CACNA2D3: variants seen among roughly 807,000 people sequenced by gnomAD.
The protein encoded by CACNA2D3 is calcium voltage-gated channel auxiliary subunit alpha2delta 3.
A neutral mutation model predicts 160.6 loss-of-function variants in CACNA2D3; 60 were observed. The observed-to-expected ratio is 0.37, with a 90% CI of 0.30 to 0.46. CACNA2D3 has a LOEUF of 0.46. Ranked by LOEUF, CACNA2D3 falls within the 20% of genes least tolerant of loss-of-function variation. CACNA2D3 has a pLI of 1.00. For missense variants in CACNA2D3, 1,205 were observed against 1,365.0 expected, an observed-to-expected ratio of 0.88 and a Z score of 1.85; for synonymous variants, 558 against 492.9, an observed-to-expected ratio of 1.13 and a Z score of -1.75.
intron 13 of CACNA2D3, among the ~76,000 whole-genome samples, chr3:54,806,905 C>G (rs955926830): frequency 2.0e-5 from 3 of 152,160 alleles, no homozygotes; most frequent in African/African-American, 7.2e-5. Flanking sequence ...TGCTGCATAT[C>G]TACAACTGTC....
At chr3:54,694,277 AG>A (rs970840673) in intron 11 of CACNA2D3, among the ~76,000 whole-genome samples, 1 of 152,226 alleles carries the variant, frequency 6.6e-6, no homozygotes, top group Admixed American at 6.5e-5. Flanking sequence ...TTTGCAGCCT[AG>A]GAACACTGGG....
At chr3:54,645,449 C>T (rs1255664976) in intron 11 of CACNA2D3, among the ~76,000 whole-genome samples, 1 of 152,234 alleles carries the variant, frequency 6.6e-6, no homozygotes, top group Non-Finnish European at 1.5e-5. Context: ...TTGGGTCCAA[C>T]ATTCCTATAT....
At chr3:54,877,102 A>C (rs1159247754) in intron 18 of CACNA2D3, 1 of 152,184 alleles carries the variant, frequency 6.6e-6, no homozygotes, top group Non-Finnish European at 1.5e-5. Context: ...GAGTTGGAGG[A>C]GAGGTCACAA....
intron 30 of CACNA2D3, among the ~76,000 whole-genome samples, chr3:54,985,016 C>G (rs922187950): frequency 6.6e-6 from 1 of 152,180 alleles, no homozygotes; most frequent in African/African-American, 2.4e-5. Flanking sequence ...ATAGTTTGGG[C>G]AACTTTAAGG....
chr3:55,000,218 T>A (rs17054672), intron 31 of CACNA2D3, among the ~76,000 whole-genome samples: 1,649 of 152,274 alleles, frequency 0.011, 66 homozygotes, highest in East Asian at 0.11. Context: ...CCGAACAGGA[T>A]ACAGGTAGCC....
At chr3:54,783,560 C>T (rs534045713) in intron 13 of CACNA2D3, among the ~76,000 whole-genome samples, 11 of 152,048 alleles carry the variant, frequency 7.2e-5, no homozygotes, top group South Asian at 2.1e-4. Context: ...GAGCCGAGAT[C>T]GTGCCACTGC....
chr3:54,766,861 TTATA>T (rs1211917675), intron 13 of CACNA2D3, among the ~76,000 whole-genome samples: 2 of 151,558 alleles, frequency 1.3e-5, no homozygotes, highest in African/African-American at 2.4e-5. Context: ...TTTGCAAGAA[TTATA>T]TATAGCATAC....
chr3:55,020,107 T>C (rs1321101997), intron 35 of CACNA2D3, among the ~76,000 whole-genome samples: 1 of 151,944 alleles, frequency 6.6e-6, no homozygotes, highest in East Asian at 1.9e-4. Context: ...ATAAGAAAAT[T>C]CAACATCCAT....
intron 29 of CACNA2D3, among the ~76,000 whole-genome samples, chr3:54,982,767 C>T (rs750387845): frequency 6.6e-6 from 1 of 151,428 alleles, no homozygotes; most frequent in Admixed American, 6.6e-5. Flanking sequence ...CATGCCTCCC[C>T]TTTTTAGACC....
chr3:54,475,647 A>C (rs911040195), intron 4 of CACNA2D3, among the ~76,000 whole-genome samples: 2 of 152,164 alleles, frequency 1.3e-5, no homozygotes, highest in African/African-American at 4.8e-5. Flanking sequence ...TTGCCCTAAG[A>C]GTCAAACTGC....
At chr3:54,404,053 A>G (rs140215086) in intron 4 of CACNA2D3, among the ~76,000 whole-genome samples, 13 of 152,326 alleles carry the variant, frequency 8.5e-5, no homozygotes, top group African/African-American at 2.4e-4. Context: ...GAATTATACT[A>G]CATTTTCAAA....
intron 35 of CACNA2D3, among the ~76,000 whole-genome samples, chr3:55,039,374 C>G (rs1287885161): frequency 6.6e-6 from 1 of 152,124 alleles, no homozygotes; most frequent in Non-Finnish European, 1.5e-5. Flanking sequence ...ATGCACAAAT[C>G]TCTTTTTGAC....
chr3:55,041,892 G>T (rs1703967373), intron 35 of CACNA2D3, among the ~76,000 whole-genome samples: 1 of 151,868 alleles, frequency 6.6e-6, no homozygotes, highest in Non-Finnish European at 1.5e-5. Flanking sequence ...AATCTGCATT[G>T]TGATTTCTTT....
Position 54,301,489 on chromosome 3 carries a change from A to G in CACNA2D3, c.205-18953A>G, listed in dbSNP as rs143468297. On this transcript the variant is annotated intron_variant, in intron 2 of 37. Transcript: ENST00000474759. Reference sequence around the variant, plus strand: ...AAAAAAAATAAGTACAATAAATTACAATTATTTACATTCAGAGATAGGAAA... The same window carrying G: ...AAAAAAAATAAGTACAATAAATTACGATTATTTACATTCAGAGATAGGAAA... 8.6e-4 allele frequency among the ~76,000 whole-genome samples: 131 copies of G among 152,274 alleles called. 1 individual carries two copies. The East Asian group carries it at 0.023, about 26-fold the overall frequency.
At chr3:54,781,224 C>T (rs556258397) in intron 13 of CACNA2D3, among the ~76,000 whole-genome samples, 76 of 152,346 alleles carry the variant, frequency 5.0e-4, no homozygotes, top group Non-Finnish European at 8.5e-4. Context: ...GGCCACAGTA[C>T]ATACATTCAC....
chr3:54,364,978 A>T (rs149998195), intron 3 of CACNA2D3, among the ~76,000 whole-genome samples: 141 of 152,352 alleles, frequency 9.3e-4, no homozygotes, highest in African/African-American at 3.1e-3. Context: ...TAGATTGAAG[A>T]CAAATTTTAT....
chr3:55,062,061 A>G (rs546943082), intron 35 of CACNA2D3, among the ~76,000 whole-genome samples: 42 of 152,310 alleles, frequency 2.8e-4, no homozygotes, highest in African/African-American at 9.1e-4. Flanking sequence ...ACTATATTCT[A>G]TGAAACCCAT....
At chr3:54,848,615 A>G (rs917014838) in intron 17 of CACNA2D3, among the ~76,000 whole-genome samples, 1 of 152,214 alleles carries the variant, frequency 6.6e-6, no homozygotes, top group East Asian at 1.9e-4. Context: ...CATTACATGA[A>G]TTAACCCATC....
intron 11 of CACNA2D3, among the ~76,000 whole-genome samples, chr3:54,661,260 AC>A (rs1559542309): frequency 6.6e-6 from 1 of 152,052 alleles, no homozygotes; most frequent in Non-Finnish European, 1.5e-5. Flanking sequence ...TTCAACCCTT[AC>A]TTCTATGAAT....
Sources: gnomAD v4.1 joint callset for allele counts (sites outside exome capture counted in the v4.1 genomes callset) on GRCh38, gnomAD v4.1.1 for gene constraint, MANE v1.5 for transcripts, NCBI Gene and HGNC (gene_info 2026-07-23, HGNC 2026-07-21) for gene names.